NBEA: variants seen among roughly 807,000 people sequenced by gnomAD.
NBEA encodes lysosomal-trafficking regulator 2.
Under a neutral mutation model 343.4 loss-of-function variants are expected in NBEA, and 44 were observed. That is an observed-to-expected ratio of 0.13 (90% CI 0.10 to 0.16). The LOEUF is 0.16. Ranked by LOEUF, NBEA falls within the 10% of genes least tolerant of loss-of-function variation. The probability of loss-of-function intolerance (pLI) is 1.00; values close to 1 mark genes in which losing one functional copy is unlikely to be tolerated. For synonymous variants in NBEA, 1,175 were observed against 1,238.7 expected, an observed-to-expected ratio of 0.95 and a Z score of 1.08; for missense variants, 2,555 against 3,631.3, an observed-to-expected ratio of 0.70 and a Z score of 7.62.
intron 38 of NBEA, among the ~76,000 whole-genome samples, chr13:35,412,065 T>A (rs1262439756): frequency 6.6e-6 from 1 of 152,188 alleles, no homozygotes; most frequent in Non-Finnish European, 1.5e-5. Context: ...TTCAGACATG[T>A]AGCAAGTTAG....
intron 10 of NBEA, among the ~76,000 whole-genome samples, chr13:35,072,409 A>G (rs1221709231): frequency 6.6e-6 from 1 of 152,102 alleles, no homozygotes; most frequent in Non-Finnish European, 1.5e-5. Context: ...AATTGTATTT[A>G]TTTCATCGTG....
chr13:35,246,836 G>C (rs145055720), intron 34 of NBEA, among the ~76,000 whole-genome samples: 2 of 152,064 alleles, frequency 1.3e-5, no homozygotes, highest in Non-Finnish European at 2.9e-5. Context: ...GGGAGGATGG[G>C]CAGGGCCCTA....
intron 18 of NBEA, among the ~76,000 whole-genome samples, chr13:35,144,449 T>C (rs553722733): frequency 6.6e-6 from 1 of 152,304 alleles, no homozygotes; most frequent in East Asian, 1.9e-4. Context: ...AGTGCCATAC[T>C]GGGTGCAGTT....
At chr13:35,056,457 G>A (rs551105770) in intron 7 of NBEA, among the ~76,000 whole-genome samples, 1 of 152,022 alleles carries the variant, frequency 6.6e-6, no homozygotes, top group Non-Finnish European at 1.5e-5. Context: ...ACCCTAAACA[G>A]AAGTATAACA....
chr13:35,317,514 A>G (rs1185458165), intron 36 of NBEA, among the ~76,000 whole-genome samples: 1 of 152,138 alleles, frequency 6.6e-6, no homozygotes, highest in Non-Finnish European at 1.5e-5. Context: ...GTAGCCTTGT[A>G]GTATAGTTTG....
intron 46 of NBEA, among the ~76,000 whole-genome samples, chr13:35,590,450 G>A (rs572131589): frequency 6.6e-6 from 1 of 151,964 alleles, no homozygotes; most frequent in African/African-American, 2.4e-5. Flanking sequence ...CTGCTTTTAG[G>A]TGCCACCAGA....
At chr13:35,416,054 G>A (rs1665821290) in intron 38 of NBEA, among the ~76,000 whole-genome samples, 1 of 152,064 alleles carries the variant, frequency 6.6e-6, no homozygotes, top group Non-Finnish European at 1.5e-5. Flanking sequence ...TTGGTGTATA[G>A]GAATGCTTGT....
chr13:35,513,146 T>C (rs893322032), intron 41 of NBEA, among the ~76,000 whole-genome samples: 8 of 151,200 alleles, frequency 5.3e-5, no homozygotes, highest in African/African-American at 1.9e-4. Flanking sequence ...TTTTCTTTTT[T>C]TTTTTTTTAA....
chr13:35,378,779 C>T (rs1393413796), intron 38 of NBEA, among the ~76,000 whole-genome samples: 14 of 151,806 alleles, frequency 9.2e-5, no homozygotes. Context: ...CAATTACCAA[C>T]ACCCTATATG....
intron 45 of NBEA, among the ~76,000 whole-genome samples, chr13:35,581,348 T>C (rs906388554): frequency 1.2e-3 from 183 of 152,244 alleles, no homozygotes; most frequent in African/African-American, 4.2e-3. Context: ...ATTGCGGTTT[T>C]GATTTGCATT....
At chr13:35,253,331 G>T (rs528235901) in intron 34 of NBEA, among the ~76,000 whole-genome samples, 16 of 152,140 alleles carry the variant, frequency 1.1e-4, no homozygotes, top group African/African-American at 3.1e-4. Context: ...TGCTCACTTC[G>T]TGTCTCTTTG....
chr13:35,642,713 C>T (rs543141112), intron 49 of NBEA, among the ~76,000 whole-genome samples: 1 of 152,030 alleles, frequency 6.6e-6, no homozygotes, highest in Non-Finnish European at 1.5e-5. Context: ...GCCTGATCTG[C>T]GAAGTTTTTA....
rs941242826 is a variant in NBEA, at chr13:35,162,025, A to G, written c.4079+58A>G. 2.8e-6 allele frequency: 4 copies of G among 1,416,262 alleles called. No individual in the cohort carries two copies. The South Asian group carries it at 4.2e-5, about 15-fold the overall frequency. 87.7% of individuals were successfully genotyped at this position (1,416,262 alleles called of 1,614,324 possible). On this transcript the variant is annotated intron_variant, in intron 23 of 58. Transcript: ENST00000379939. ...AAATATTTAAAATATGCCATTGCCT[A>G]TTCTATTTGGTTTTGACAAAACCAA...
intron 41 of NBEA, among the ~76,000 whole-genome samples, chr13:35,519,518 C>A (rs2077613320): frequency 6.6e-6 from 1 of 152,128 alleles, no homozygotes; most frequent in African/African-American, 2.4e-5. Flanking sequence ...TCTAGGCATT[C>A]ATGAAATATT....
intron 32 of NBEA, among the ~76,000 whole-genome samples, chr13:35,210,302 G>A (rs2152751941): frequency 6.6e-6 from 1 of 152,116 alleles, no homozygotes; most frequent in East Asian, 1.9e-4. Flanking sequence ...GTGTATGTGT[G>A]TGTGTATAAA....
intron 41 of NBEA, among the ~76,000 whole-genome samples, chr13:35,499,653 G>C (rs1252535083): frequency 1.3e-5 from 2 of 152,036 alleles, no homozygotes; most frequent in African/African-American, 4.8e-5. Flanking sequence ...ATTACTTCAT[G>C]TTTTACACCT....
At chr13:34,985,595 A>G (rs1385243241) in intron 1 of NBEA, among the ~76,000 whole-genome samples, 6 of 150,790 alleles carry the variant, frequency 4.0e-5, no homozygotes, top group Non-Finnish European at 5.9e-5. Flanking sequence ...TATTAATTGG[A>G]ATAGTTTCAG....
intron 4 of NBEA, 60 bp from the exon 5 acceptor site, chr13:35,048,503 C>A: frequency 6.7e-7 from 1 of 1,494,720 alleles, no homozygotes; most frequent in Non-Finnish European, 9.1e-7. Context: ...CATATTTGAC[C>A]TTAGCTACTA....
At chr13:35,013,085 T>C (rs2061538472) in intron 1 of NBEA, among the ~76,000 whole-genome samples, 3 of 152,232 alleles carry the variant, frequency 2.0e-5, no homozygotes, top group African/African-American at 7.2e-5. Context: ...ATTTTAAAGC[T>C]ACTTACAAAT....
Sources: gnomAD v4.1 joint callset for allele counts (sites outside exome capture counted in the v4.1 genomes callset) on GRCh38, gnomAD v4.1.1 for gene constraint, MANE v1.5 for transcripts, NCBI Gene and HGNC (gene_info 2026-07-23, HGNC 2026-07-21) for gene names.